TEX11: variants seen among roughly 807,000 people sequenced by gnomAD.
TEX11 encodes testis expressed 11.
Under a neutral mutation model 84.4 loss-of-function variants are expected in TEX11, and 7 were observed. That is an observed-to-expected ratio of 0.08 (90% CI 0.05 to 0.16). The LOEUF (loss-of-function observed/expected upper bound fraction) is 0.16. TEX11 is among the 10% of genes least tolerant of loss of function. The probability of loss-of-function intolerance (pLI) is 1.00; values close to 1 mark genes in which losing one functional copy is unlikely to be tolerated. For synonymous variants in TEX11, 264 were observed against 222.8 expected (o/e 1.18, Z -1.64); for missense variants, 551 against 660.5 (o/e 0.83, Z 1.82).
chrX:70,665,684 A>T (rs747516735), intron 16 of TEX11, among the ~76,000 whole-genome samples: 28 of 112,198 alleles, frequency 2.5e-4, no homozygotes, highest in African/African-American at 8.7e-4. Context: ...TCTGTAACCT[A>T]ATCTACTAAA....
chrX:70,674,358 C>T (rs969714994), intron 15 of TEX11, among the ~76,000 whole-genome samples: 8 of 111,873 alleles, frequency 7.2e-5, no homozygotes, highest in Non-Finnish European at 1.5e-4. Flanking sequence ...CTGCAATGAA[C>T]ATTTGCATGT....
At position 70,553,352 on chromosome X, in the gene TEX11, A is replaced by G. The variant is rs2088243937; in HGVS notation, c.2353T>C (p.Leu785=). Residue 785 remains leucine (L), a synonymous_variant, in exon 27 of 30, where the codon TTA becomes CTA. Coordinates refer to ENST00000374333, the MANE Select transcript of TEX11 (RefSeq NM_031276.3). The part of the protein sequence containing the change: ...LIALKALKKA[L]LLYKKEEPID... ...GGTTCTTCCTTTTTGTAGAGCAATA[A>G]AGCCTTTTTCAAGGCCTTGAGAGCA... The G allele has an allele frequency of 1.7e-6, 2 of 1,207,609 alleles. No homozygotes were observed. The highest frequency in any genetic ancestry group is 2.3e-4 in the Middle Eastern group (1 of 4,360).
chrX:70,588,999 G>T (rs1378598323), intron 25 of TEX11, among the ~76,000 whole-genome samples: 1 of 109,775 alleles, frequency 9.1e-6, no homozygotes, highest in African/African-American at 3.3e-5. Flanking sequence ...GCATATGAGA[G>T]GTTACCAGGG....
At chrX:70,776,412 A>C (rs1473940411) in intron 9 of TEX11, among the ~76,000 whole-genome samples, 4 of 109,429 alleles carry the variant, frequency 3.7e-5, no homozygotes, top group African/African-American at 1.3e-4. Context: ...AAATAGAAAA[A>C]TTTAGCCAGG....
At chrX:70,716,995 C>A (rs1403830229) in intron 13 of TEX11, among the ~76,000 whole-genome samples, 1 of 112,089 alleles carries the variant, frequency 8.9e-6, no homozygotes, top group Non-Finnish European at 1.9e-5. Context: ...TATAATCTAA[C>A]AAATTCAGAA....
intron 25 of TEX11, among the ~76,000 whole-genome samples, chrX:70,570,737 A>T (rs750678969): frequency 4.8e-4 from 54 of 111,401 alleles, no homozygotes; most frequent in African/African-American, 1.8e-3. Flanking sequence ...TTAGCCAAAA[A>T]GCTGAGAAGT....
At chrX:70,901,516 G>A (rs781371111) in intron 2 of TEX11, among the ~76,000 whole-genome samples, 1 of 111,717 alleles carries the variant, frequency 9.0e-6, no homozygotes, top group African/African-American at 3.2e-5. Context: ...GGATGGTTTC[G>A]GGATGAAACT....
At chrX:70,565,716 A>C (rs2088459722) in intron 25 of TEX11, among the ~76,000 whole-genome samples, 1 of 109,886 alleles carries the variant, frequency 9.1e-6, no homozygotes, top group African/African-American at 3.3e-5. Flanking sequence ...ATAGTTGTAG[A>C]TATGCGGCTT....
intron 2 of TEX11, among the ~76,000 whole-genome samples, chrX:70,904,066 C>A (rs1035541497): frequency 1.9e-5 from 2 of 104,196 alleles, no homozygotes; most frequent in East Asian, 6.1e-4. Flanking sequence ...GTATTCCTCC[C>A]GCCTCAGCCT....
At chrX:70,519,158 A>T in the TEX11 span, among the ~76,000 whole-genome samples, 1 of 111,808 alleles carries the variant, frequency 8.9e-6, no homozygotes, top group Admixed American at 9.5e-5. Flanking sequence ...CATCATTATG[A>T]TATTAGCTGG....
chrX:70,582,646 C>A (rs1356104112), intron 25 of TEX11, among the ~76,000 whole-genome samples: 1 of 111,242 alleles, frequency 9.0e-6, no homozygotes, highest in Admixed American at 9.6e-5. Context: ...AACAAAGGTT[C>A]CTCACTTGTC....
chrX:70,861,938 C>T (rs932024122), intron 4 of TEX11, among the ~76,000 whole-genome samples: 2 of 111,407 alleles, frequency 1.8e-5, no homozygotes, highest in African/African-American at 6.5e-5. Context: ...CTCTGGACAT[C>T]AGAATAGTTT....
chrX:70,902,101 T>C (rs1262316670), intron 2 of TEX11, among the ~76,000 whole-genome samples: 2 of 111,124 alleles, frequency 1.8e-5, no homozygotes, highest in Admixed American at 1.9e-4. Context: ...AAATTAAAAA[T>C]TATCTGGGCA....
chrX:70,841,385 G>T (rs2091442971), intron 7 of TEX11, among the ~76,000 whole-genome samples: 1 of 111,198 alleles, frequency 9.0e-6, no homozygotes, highest in East Asian at 2.8e-4. Context: ...TGACTACTCG[G>T]TACATAATGA....
intron 16 of TEX11, among the ~76,000 whole-genome samples, chrX:70,663,614 A>C (rs895696398): frequency 9.0e-6 from 1 of 111,391 alleles, no homozygotes; most frequent in African/African-American, 3.3e-5. Context: ...TCAATCCAAT[A>C]CAATACAGAT....
intron 17 of TEX11, among the ~76,000 whole-genome samples, chrX:70,649,273 G>T (rs1049686856): frequency 1.8e-4 from 20 of 111,950 alleles, no homozygotes; most frequent in African/African-American, 6.5e-4. Context: ...TCCGGTTCTA[G>T]ATCCTTGAAG....
intron 16 of TEX11, among the ~76,000 whole-genome samples, chrX:70,665,245 G>A (rs2089967285): frequency 9.0e-6 from 1 of 111,131 alleles, no homozygotes; most frequent in African/African-American, 3.3e-5. Context: ...AACTTACACA[G>A]ACTATCACCA....
At chrX:70,576,637 C>T (rs1294056163) in intron 25 of TEX11, among the ~76,000 whole-genome samples, 1 of 112,274 alleles carries the variant, frequency 8.9e-6, no homozygotes, top group African/African-American at 3.2e-5. Flanking sequence ...CATATACACA[C>T]ATTTTATAAG....
chrX:70,525,071 C>T (rs886971300), downstream of TEX11, among the ~76,000 whole-genome samples: 1 of 110,912 alleles, frequency 9.0e-6, no homozygotes, highest in Non-Finnish European at 1.9e-5. Flanking sequence ...GTCCCCACTA[C>T]TCGGGAGGCT....
Sources: gnomAD v4.1 joint callset for allele counts (sites outside exome capture counted in the v4.1 genomes callset) on GRCh38, gnomAD v4.1.1 for gene constraint, MANE v1.5 for transcripts, NCBI Gene and HGNC (gene_info 2026-07-23, HGNC 2026-07-21) for gene names.